The following DONSON variants were observed in gnomAD, a reference collection of about 807,000 sequenced individuals.
DONSON encodes DNA replication fork stabilization factor DONSON.
In DONSON, 43 loss-of-function variants were observed where a neutral mutation model predicts 62.1. The observed-to-expected ratio is 0.69, with a 90% CI of 0.54 to 0.89. The LOEUF is 0.89. Ranked by LOEUF, DONSON falls within the 40% of genes least tolerant of loss-of-function variation. The pLI, the probability that DONSON is intolerant of heterozygous loss-of-function variation, is 0.00. For missense variants in DONSON, 696 were observed against 697.5 expected, an observed-to-expected ratio of 1.00 and a Z score of 0.03; for synonymous variants, 266 against 264.6, an observed-to-expected ratio of 1.01 and a Z score of -0.05.
chr21:33,582,675 G>A (rs942841723), intron 5 of DONSON, among the ~76,000 whole-genome samples: 1 of 152,184 alleles, frequency 6.6e-6, no homozygotes, highest in Non-Finnish European at 1.5e-5. Context: ...AGAACACTAT[G>A]TGGAAGGAAC....
intron 3 of DONSON, among the ~76,000 whole-genome samples, chr21:33,584,974 C>T (rs2037723466): frequency 6.6e-6 from 1 of 152,106 alleles, no homozygotes; most frequent in Non-Finnish European, 1.5e-5. Flanking sequence ...AACATTTAAA[C>T]ATAGATGGGA....
In DONSON at chr21:33,581,412, A is replaced by C; in HGVS notation, c.1240T>G (p.Phe414Val). Residue 414 changes from phenylalanine to valine, a missense_variant, in exon 8 of 10, where the codon TTT becomes GTT. By Grantham distance (50) the Phe-to-Val change is conservative (BLOSUM62 -1). Transcript: ENST00000303071. ...KGINTFTLLNFLINSKSLVAT... is the reference protein window; with the variant it reads ...KGINTFTLLNVLINSKSLVAT... ...ACTAAACTCTTAGAGTTAATCAAAA[A>C]ATTGAGCAATGTAAAGGTGTTGATT... 6.2e-7 allele frequency: 1 copy of C among 1,614,194 alleles called. No homozygotes were observed. The highest frequency in any genetic ancestry group is 8.5e-7 in the Non-Finnish European group (1 of 1,180,030).
rs76002527 is a variant in DONSON, at chr21:33,577,913, G to T, written c.*394C>A. On this transcript the variant is annotated 3_prime_UTR_variant, in exon 10 of 10. Transcript: ENST00000303071. ...CCAATCAACTAGCTCAGTAGATGTT[G>T]TCTGTATTTATTTTCTACCTTTATG... 6.2e-3 allele frequency: 967 copies of T among 156,380 alleles called. 16 individuals are homozygous for T. The highest frequency in any genetic ancestry group is 0.022 in the African/African-American group (905 of 41,664). The allele number at this position is 156,380 out of a possible 1,614,324, so 9.7% of individuals were successfully genotyped here. A position where few individuals can be genotyped will look rare whatever the true frequency, so the allele number is the denominator to read the frequency against.
Position 33,579,576 on chromosome 21 carries a change from T to TAAAGA in DONSON, c.1351-19_1351-15dup, listed in dbSNP as rs769019326. 6.9e-6 allele frequency: 11 copies of TAAAGA among 1,604,418 alleles called. No individual in the cohort carries two copies. The African/African-American group carries it at 1.5e-4, about 22-fold the overall frequency. The stretch of plus-strand genomic sequence containing the variant: ...CACACTCCGTGCCTTCATGAAAATG[T>TAAAGA]AAAGAAAAGGAAAATTAAGATCATC... On this transcript the variant is annotated splice_polypyrimidine_tract_variant and intron_variant, in intron 8 of 9. Coordinates refer to ENST00000303071, the MANE Select transcript of DONSON (RefSeq NM_017613.4).
rs1241103319 is a variant in DONSON at position 33,588,314 on chromosome 21, C to T, written c.321+7G>A. ...GCCCCTTGGCGGCCAGGCTACAAGA[C>T]ACTCACCGGGACCGGGGCCTCCGGC... On this transcript the variant is annotated splice_region_variant and intron_variant, in intron 1 of 9. Coordinates refer to ENST00000303071, the MANE Select transcript of DONSON (RefSeq NM_017613.4). 1 of 1,279,520 alleles carries T rather than the reference C, an allele frequency of 7.8e-7. No individual in the cohort carries two copies. Among genetic ancestry groups the T allele is most frequent in the South Asian group, 3.1e-5 (1 of 32,174 alleles). 79.3% of individuals were successfully genotyped at this position (1,279,520 alleles called of 1,614,324 possible). A position where few individuals can be genotyped will look rare whatever the true frequency, so the allele number is the denominator to read the frequency against.
Position 33,582,246 on chromosome 21 carries a change from C to T in DONSON, c.965G>A (p.Gly322Asp). Reference protein sequence around the residue: ...RGLREAMRNEGIEFSLPLIKE... With the variant: ...RGLREAMRNEDIEFSLPLIKE... ...TATTAAAGGCAGAGAAAATTCAATA[C>T]CTATATGAGGAACAAAAATGTAACT... The change falls in exon 6 of 10, where the codon GGT becomes GAT. Residue 322 changes from glycine to aspartate, a missense_variant and splice_region_variant. Transcript: ENST00000303071. 1.2e-6 allele frequency: 2 copies of T among 1,611,516 alleles called. No individual in the cohort carries two copies. Among genetic ancestry groups the T allele is most frequent in the East Asian group, 2.2e-5 (1 of 44,830 alleles).
Position 33,586,180 on chromosome 21 carries a change from G to C in DONSON, c.404C>G (p.Thr135Ser). 1 of 1,613,702 alleles carries C rather than the reference G, an allele frequency of 6.2e-7. No individual in the cohort carries two copies. The highest frequency in any genetic ancestry group is 8.5e-7 in the Non-Finnish European group (1 of 1,179,678). Residue 135 changes from threonine (T) to serine (S), a missense_variant and splice_region_variant, in exon 3 of 10, where the codon ACT becomes AGT. By Grantham distance (58) the Thr-to-Ser change is moderately conservative. Coordinates refer to ENST00000303071, the MANE Select transcript of DONSON (RefSeq NM_017613.4). ...AGGCTCGGAGAATGATACATGTGAA[G>C]TCTTTAGAAAACAAAGAATGCAAAA... Reference protein sequence around the residue: ...ERTTVTELPQTSHVSFSEPDI... With the variant: ...ERTTVTELPQSSHVSFSEPDI...
In DONSON at chr21:33,577,672, CACACACACA is replaced by C. The variant is rs2086444502; in HGVS notation, c.*626_*634del. ...ACACACACACACACACACACACACA[CACACACACA>C]CACACACACACACACACACACCCCT... On this transcript the variant is annotated 3_prime_UTR_variant, in exon 10 of 10. Coordinates refer to ENST00000303071, the MANE Select transcript of DONSON (RefSeq NM_017613.4). 9.9e-6 allele frequency: 1 copy of C among 101,464 alleles called. No individual in the cohort carries two copies. The highest frequency in any genetic ancestry group is 4.4e-5 in the African/African-American group (1 of 22,796). The allele number at this position is 101,464 out of a possible 1,614,324, so 6.3% of individuals were successfully genotyped here.
At chr21:33,580,624 C>T (rs1170009333) in intron 8 of DONSON, among the ~76,000 whole-genome samples, 1 of 150,366 alleles carries the variant, frequency 6.7e-6, no homozygotes, top group African/African-American at 2.4e-5. Flanking sequence ...ACCCTGTCTC[C>T]CCAACCAAAA....
chr21:33,582,100 C>A (rs1241388859), intron 6 of DONSON, 45 bp from the exon 7 acceptor site: 1 of 1,611,596 alleles, frequency 6.2e-7, no homozygotes, highest in Non-Finnish European at 8.5e-7. Context: ...CAAGCTGTTC[C>A]TGTGCAAATC....
chr21:33,581,150 TTATA>T lies in DONSON; in HGVS notation c.1350+148_1350+151del, dbSNP rs201997870. On this transcript the variant is annotated intron_variant, in intron 8 of 9. Coordinates refer to ENST00000303071, the MANE Select transcript of DONSON (RefSeq NM_017613.4). ...ACATAATTTCTTTGATATAACTGTC[TTATA>T]TAATTTTTGTTTCTTTTTTTAATGG... The T allele has an allele frequency of 0.013, 7,972 of 635,248 alleles. 197 individuals carry two copies. Among genetic ancestry groups the T allele is most frequent in the Non-Finnish European group, 9.5e-3 (3,537 of 373,924 alleles). The allele number at this position is 635,248 out of a possible 1,614,324, so 39.4% of individuals were successfully genotyped here.
intron 8 of DONSON, among the ~76,000 whole-genome samples, chr21:33,580,316 T>C (rs1601311623): frequency 1.4e-5 from 2 of 144,064 alleles, no homozygotes; most frequent in African/African-American, 5.2e-5. Flanking sequence ...CCCAGCACTT[T>C]GGGAGGCCGA....
rs1450386077 is a variant in DONSON at position 33,580,660 on chromosome 21, TAA to T, written c.1350+640_1350+641del. Among the ~76,000 whole-genome samples, 15 of 150,866 alleles carry T rather than the reference TAA, an allele frequency of 9.9e-5. No homozygotes were observed. In the East Asian group the frequency reaches 2.8e-3, roughly 28 times the overall value. ...AAAGAAAATAAATGTTCGTATAATT[TAA>T]AAAGAGGCCAGGAGTTCAAGACCAG... On this transcript the variant is annotated intron_variant, in intron 8 of 9. Coordinates refer to ENST00000303071, the MANE Select transcript of DONSON (RefSeq NM_017613.4).
Position 33,588,454 on chromosome 21 carries a change from C to A in DONSON, c.188G>T (p.Gly63Val). The A allele has an allele frequency of 7.7e-7, 1 of 1,305,018 alleles. No individual in the cohort carries two copies. The highest frequency in any genetic ancestry group is 9.7e-7 in the Non-Finnish European group (1 of 1,027,712). The allele number at this position is 1,305,018 out of a possible 1,614,324, so 80.8% of individuals were successfully genotyped here. A position where few individuals can be genotyped will look rare whatever the true frequency, so the allele number is the denominator to read the frequency against. ...GCCGCCGCCGCTGCCACCGCCTCTG[C>A]CCCCCGCAGCAGGGAAAGGGCGAAG... ...LPLRPFPAAGGRGGGSGGGPA... is the reference protein window; with the variant it reads ...LPLRPFPAAGVRGGGSGGGPA... Residue 63 changes from glycine to valine, a missense_variant, in exon 1 of 10, where the codon GGC becomes GTC. Physicochemically the swap from Gly to Val is moderately radical, Grantham distance 109. Transcript: ENST00000303071.
At chr21:33,584,020 A>ATATATG (rs1379004010) in intron 4 of DONSON, among the ~76,000 whole-genome samples, 1 of 79,584 alleles carries the variant, frequency 1.3e-5, no homozygotes, top group Non-Finnish European at 2.6e-5. Context: ...GTGTTTATAT[A>ATATATG]TATATATATA....
In DONSON at chr21:33,581,322, C is replaced by A; in HGVS notation, c.1330G>T (p.Ala444Ser). The change falls in exon 8 of 10, where the codon GCC becomes TCC. Residue 444 changes from alanine (A) to serine (S), a missense_variant. Physicochemically the swap from Ala to Ser is moderately conservative, Grantham distance 99 (BLOSUM62 1). Transcript: ENST00000303071. ...ATTACCTTAAGCATTTGCATTGTGGCACCTCGGAAAGCAACAGGGGACAAG... is the reference window on the plus strand; with the variant it reads ...ATTACCTTAAGCATTTGCATTGTGGAACCTCGGAAAGCAACAGGGGACAAG... Reference protein sequence around the residue: ...TLLSPVAFRGATMQMLKARSV... With the variant: ...TLLSPVAFRGSTMQMLKARSV... 6.2e-7 allele frequency: 1 copy of A among 1,614,018 alleles called. No individual in the cohort carries two copies. Among genetic ancestry groups the A allele is most frequent in the Non-Finnish European group, 8.5e-7 (1 of 1,180,010 alleles).
chr21:33,584,289 GC>G (rs1241715833), intron 4 of DONSON, among the ~76,000 whole-genome samples: 1 of 150,918 alleles, frequency 6.6e-6, no homozygotes, highest in Non-Finnish European at 1.5e-5. Flanking sequence ...CTTGTGATCC[GC>G]CTGCCTCGGC....
rs1569072890 is a variant in DONSON, at chr21:33,577,648, C to CCCCTATA, written c.*658_*659insTATAGGG. The CCCCTATA allele has an allele frequency of 2.4e-5, 2 of 83,298 alleles. No individual in the cohort carries two copies. The highest frequency in any genetic ancestry group is 2.6e-4 in the East Asian group (1 of 3,838). 5.2% of individuals were successfully genotyped at this position (83,298 alleles called of 1,614,324 possible). A position where few individuals can be genotyped will look rare whatever the true frequency, so the allele number is the denominator to read the frequency against. On this transcript the variant is annotated 3_prime_UTR_variant, in exon 10 of 10. Transcript: ENST00000303071. ...ACACACACACACACACACACACACACACACACACACACACACACACACACA... is the reference window on the plus strand; with the variant it reads ...ACACACACACACACACACACACACACCCCTATAACACACACACACACACACACACACA...
rs778020919 is a variant in DONSON at position 33,588,361 on chromosome 21, G to A, written c.281C>T (p.Pro94Leu). The A allele has an allele frequency of 1.5e-6, 2 of 1,293,946 alleles. No individual in the cohort carries two copies. The highest frequency in any genetic ancestry group is 1.9e-6 in the Non-Finnish European group (2 of 1,025,806). The allele number at this position is 1,293,946 out of a possible 1,614,324, so 80.2% of individuals were successfully genotyped here. A position where few individuals can be genotyped will look rare whatever the true frequency, so the allele number is the denominator to read the frequency against. Residue 94 changes from proline to leucine, a missense_variant, in exon 1 of 10, where the codon CCC becomes CTC. Physicochemically the swap from Pro to Leu is moderately conservative, Grantham distance 98. Coordinates refer to ENST00000303071, the MANE Select transcript of DONSON (RefSeq NM_017613.4). Reference sequence around the variant, plus strand: ...CGGCTGCTCGCGGGCCGGCCCGTCGGGGGGCTCCGCGGCGACCCGCGGTCG... The same window carrying A: ...CGGCTGCTCGCGGGCCGGCCCGTCGAGGGGCTCCGCGGCGACCCGCGGTCG... ...DNRPRVAAEP[P>L]DGPAREQPEA... is the part of the protein sequence containing the mutation.
Sources: allele counts gnomAD v4.1 joint callset (sites outside exome capture counted in the v4.1 genomes callset), GRCh38; gene constraint gnomAD v4.1.1; transcripts MANE v1.5; gene names NCBI Gene and HGNC (gene_info 2026-07-23, HGNC 2026-07-21).